The following DAB1 variants were observed in gnomAD, a reference collection of about 807,000 sequenced individuals.
DAB1 encodes DAB adaptor protein 1.
A neutral mutation model predicts 64.6 loss-of-function variants in DAB1; 15 were observed. That is an observed-to-expected ratio of 0.23 (90% CI 0.16 to 0.36). The LOEUF (loss-of-function observed/expected upper bound fraction) is 0.36, where lower values mean the gene tolerates loss of function less well. Ranked by LOEUF, DAB1 falls within the 10% of genes least tolerant of loss-of-function variation. The pLI, the probability that DAB1 is intolerant of heterozygous loss-of-function variation, is 1.00. For synonymous variants in DAB1, 235 were observed against 251.9 expected (o/e 0.93, Z 0.64); for missense variants, 596 against 706.7 (o/e 0.84, Z 1.78).
intron 5 of DAB1, among the ~76,000 whole-genome samples, chr1:58,054,761 G>C (rs1479701597): frequency 6.6e-6 from 1 of 152,218 alleles, no homozygotes; most frequent in African/African-American, 2.4e-5. Flanking sequence ...GTGAGTTACT[G>C]GTCTGTAATT....
intron 7 of DAB1, among the ~76,000 whole-genome samples, chr1:57,557,906 C>G (rs542729051): frequency 1.8e-4 from 28 of 152,192 alleles, no homozygotes; most frequent in Admixed American, 1.3e-3. Flanking sequence ...GAAGCAGATA[C>G]TGAGCCTCAA....
intron 4 of DAB1, among the ~76,000 whole-genome samples, chr1:57,096,517 T>C (rs482373): frequency 0.68 from 103,659 of 151,964 alleles, 35,590 homozygotes; most frequent in East Asian, 0.88. Context: ...GTTTCTGCTC[T>C]GCATCCCCAT....
intron 4 of DAB1, among the ~76,000 whole-genome samples, chr1:58,221,095 C>T (rs561050677): frequency 6.6e-6 from 1 of 150,678 alleles, no homozygotes; most frequent in Admixed American, 6.6e-5. Flanking sequence ...CAAATACACA[C>T]TCACACATAC....
intron 4 of DAB1, among the ~76,000 whole-genome samples, chr1:58,302,034 G>A (rs1427880274): frequency 1.3e-5 from 2 of 152,082 alleles, no homozygotes; most frequent in African/African-American, 2.4e-5. Context: ...TATAGTTCAG[G>A]AACCTGTAGC....
intron 5 of DAB1, among the ~76,000 whole-genome samples, chr1:57,989,972 C>T (rs1269143886): frequency 6.6e-6 from 1 of 152,134 alleles, no homozygotes; most frequent in Non-Finnish European, 1.5e-5. Context: ...GTAAATCAGG[C>T]ACCATTTCTC....
intron 2 of DAB1, among the ~76,000 whole-genome samples, chr1:57,269,673 C>T (rs1670844948): frequency 6.6e-6 from 1 of 152,130 alleles, no homozygotes; most frequent in East Asian, 1.9e-4. Flanking sequence ...AACCTCTCAC[C>T]CTGAGATGCA....
intron 4 of DAB1, among the ~76,000 whole-genome samples, chr1:58,222,272 T>C (rs969772209): frequency 3.3e-5 from 5 of 152,078 alleles, no homozygotes; most frequent in Non-Finnish European, 5.9e-5. Context: ...TATGTATATA[T>C]ACATTTTGAA....
chr1:57,398,599 C>T (rs1444771474), intron 1 of DAB1, among the ~76,000 whole-genome samples: 1 of 152,206 alleles, frequency 6.6e-6, no homozygotes, highest in African/African-American at 2.4e-5. Flanking sequence ...ATAGTTCATT[C>T]CACTTTCATC....
At chr1:58,230,148 G>A (rs1238046897) in intron 4 of DAB1, among the ~76,000 whole-genome samples, 1 of 152,158 alleles carries the variant, frequency 6.6e-6, no homozygotes, top group Non-Finnish European at 1.5e-5. Context: ...AAAAGAACAA[G>A]GTGACCTTCC....
intron 7 of DAB1, among the ~76,000 whole-genome samples, chr1:57,602,103 G>A (rs530940253): frequency 2.0e-5 from 3 of 152,216 alleles, no homozygotes; most frequent in Admixed American, 6.5e-5. Flanking sequence ...TAAAAAAATA[G>A]GGTAAATAGT....
chr1:57,015,325 C>T lies in DAB1; in HGVS notation c.1002G>A (p.Pro334=), dbSNP rs201974535. 2.5e-5 allele frequency: 41 copies of T among 1,614,040 alleles called. No individual in the cohort carries two copies. Among genetic ancestry groups the T allele is most frequent in the South Asian group, 1.6e-4 (15 of 91,074 alleles). ...GGCCCCATGCGATGGGCTGAGCCCC[C>T]GGCATCACCTGAGCGACTGGTGGCT... ...GAQPPVAQVM[P]GAQPIAWGQP... The change falls in exon 12 of 15, where the codon CCG becomes CCA. Residue 334 remains proline, a synonymous_variant. Transcript: ENST00000371236.
intron 3 of DAB1, among the ~76,000 whole-genome samples, chr1:58,439,346 C>A (rs1189125319): frequency 6.6e-6 from 1 of 152,114 alleles, no homozygotes; most frequent in Non-Finnish European, 1.5e-5. Context: ...CTCCTCAGTA[C>A]CTTCTTCTTG....
At chr1:57,166,172 T>C (rs1569693199) in intron 2 of DAB1, among the ~76,000 whole-genome samples, 2 of 152,316 alleles carry the variant, frequency 1.3e-5, no homozygotes, top group South Asian at 4.1e-4. Flanking sequence ...TAGGTATTGT[T>C]ATTTTTTTAA....
At chr1:57,172,405 TAAA>T (rs1164907464) in intron 2 of DAB1, among the ~76,000 whole-genome samples, 2 of 152,170 alleles carry the variant, frequency 1.3e-5, no homozygotes, top group African/African-American at 4.8e-5. Context: ...TTCTTAGTGA[TAAA>T]GAAGTGGAAG....
Position 58,473,545 on chromosome 1 carries a change from A to T in DAB1, n.257+32515T>A, listed in dbSNP as rs946940631. ...CGACAGAGCAAGACTCCGTCTCAAA[A>T]AAATAAATAAATAAATAAATAAATA... is the stretch of plus-strand genomic sequence containing the variant. On this transcript the variant is annotated intron_variant and non_coding_transcript_variant, in intron 3 of 20. Transcript: ENST00000485760. Among the ~76,000 whole-genome samples the T allele has an allele frequency of 5.9e-4, 72 of 122,634 alleles. No individual in the cohort carries two copies. In the East Asian group the frequency reaches 0.011, roughly 19 times the overall value. 80.5% of individuals were successfully genotyped at this position (122,634 alleles called of 152,430 possible). A position where few individuals can be genotyped will look rare whatever the true frequency, so the allele number is the denominator to read the frequency against.
chr1:58,534,796 C>G (rs6682499), intron 1 of DAB1, among the ~76,000 whole-genome samples: 1 of 151,974 alleles, frequency 6.6e-6, no homozygotes, highest in South Asian at 2.1e-4. Flanking sequence ...ATTAGCCAGG[C>G]GTGGTGGCAT....
chr1:57,532,809 A>G (rs1341423796), intron 7 of DAB1, among the ~76,000 whole-genome samples: 1 of 152,192 alleles, frequency 6.6e-6, no homozygotes, highest in African/African-American at 2.4e-5. Flanking sequence ...AGCACAGGTA[A>G]AAGTGCCTAG....
At chr1:57,716,883 G>T (rs1187859070) in intron 6 of DAB1, among the ~76,000 whole-genome samples, 1 of 152,062 alleles carries the variant, frequency 6.6e-6, no homozygotes, top group African/African-American at 2.4e-5. Context: ...CAACTCAATA[G>T]CCAAAAAGCA....
chr1:57,879,054 T>G (rs1441002302), intron 1 of DAB1, among the ~76,000 whole-genome samples: 1 of 152,158 alleles, frequency 6.6e-6, no homozygotes, highest in Non-Finnish European at 1.5e-5. Flanking sequence ...CTATATCTCA[T>G]TTTTTATCCA....
Sources: gnomAD v4.1 joint callset for allele counts (sites outside exome capture counted in the v4.1 genomes callset) on GRCh38, gnomAD v4.1.1 for gene constraint, MANE v1.5 for transcripts, NCBI Gene and HGNC (gene_info 2026-07-23, HGNC 2026-07-21) for gene names.